RANBP2: variants seen among roughly 807,000 people sequenced by gnomAD.
The protein encoded by RANBP2 is RAN binding protein 2, also known as E3 SUMO-protein ligase RanBP2.
RANBP2 carries 57 observed loss-of-function variants against 303.6 expected under a neutral mutation model. That is an observed-to-expected ratio of 0.19 (90% CI 0.15 to 0.23). The LOEUF (loss-of-function observed/expected upper bound fraction) is 0.23, where lower values mean the gene tolerates loss of function less well. RANBP2 is among the 10% of genes least tolerant of loss of function. The probability of loss-of-function intolerance (pLI) is 1.00; values close to 1 mark genes in which losing one functional copy is unlikely to be tolerated. For missense variants in RANBP2, 3,138 were observed against 3,780.8 expected, an observed-to-expected ratio of 0.83 and a Z score of 4.46; for synonymous variants, 1,167 against 1,301.5, an observed-to-expected ratio of 0.90 and a Z score of 2.23.
chr2:109,277,136 G>C, the RANBP2 span, among the ~76,000 whole-genome samples: 1 of 152,158 alleles, frequency 6.6e-6, no homozygotes, highest in Non-Finnish European at 1.5e-5. Flanking sequence ...AGGGGGCATG[G>C]GGTGGCAGGT....
Position 108,753,133 on chromosome 2 carries a change from A to C in RANBP2, c.1891A>C (p.Lys631Gln). Residue 631 changes from lysine to glutamine, a missense_variant, in exon 13 of 29, where the codon AAA (lysine) becomes CAA (glutamine). This residue lies in a region of RANBP2 where 162 missense variants were observed against 286.9 expected (regional missense o/e 0.56). Coordinates refer to ENST00000283195, the MANE Select transcript of RANBP2 (RefSeq NM_006267.5). Reference sequence around the variant, plus strand: ...TCCTGAACCTATTGATCCTCTGTTTAAACATTTTCATAGTGTAGACATTCA... The same window carrying C: ...TCCTGAACCTATTGATCCTCTGTTTCAACATTTTCATAGTGTAGACATTCA... ...SIPEPIDPLFKHFHSVDIQAS... is the reference protein window; with the variant it reads ...SIPEPIDPLFQHFHSVDIQAS... 1 of 1,608,956 alleles carries C rather than the reference A, an allele frequency of 6.2e-7. No individual in the cohort carries two copies. The highest frequency in any genetic ancestry group is 8.5e-7 in the Non-Finnish European group (1 of 1,179,086).
the RANBP2 span, among the ~76,000 whole-genome samples, chr2:108,827,642 C>A: frequency 6.6e-6 from 1 of 151,882 alleles, no homozygotes; most frequent in Non-Finnish European, 1.5e-5. Flanking sequence ...CAGTGAAACC[C>A]CGTCTCTACT....
At chr2:109,700,605 C>T in the RANBP2 span, among the ~76,000 whole-genome samples, 2 of 151,934 alleles carry the variant, frequency 1.3e-5, no homozygotes, top group South Asian at 2.1e-4. Flanking sequence ...TTGAATAGAA[C>T]GGGAGGCAGG....
chr2:109,212,670 TA>T, the RANBP2 span, among the ~76,000 whole-genome samples: 1 of 152,216 alleles, frequency 6.6e-6, no homozygotes, highest in East Asian at 1.9e-4. Context: ...TTTCTTGTGT[TA>T]AATGGACTCA....
chr2:108,791,885 C>G, the RANBP2 span: 1 of 1,337,212 alleles, frequency 7.5e-7, no homozygotes. Flanking sequence ...AGTAATAACA[C>G]TGGCCCCCAA....
At chr2:109,042,766 C>A in the RANBP2 span, among the ~76,000 whole-genome samples, 2 of 152,158 alleles carry the variant, frequency 1.3e-5, no homozygotes, top group African/African-American at 4.8e-5. Flanking sequence ...AAATGGAAAT[C>A]CTAATAACCA....
the RANBP2 span, among the ~76,000 whole-genome samples, chr2:108,953,070 C>T: frequency 1.0e-3 from 158 of 152,312 alleles, 1 homozygote; most frequent in African/African-American, 3.7e-3. Flanking sequence ...GCATGCAATG[C>T]GTAATAACCA....
Position 108,763,722 on chromosome 2 carries a change from T to A in RANBP2, c.3183T>A (p.Ser1061Arg). 1 of 1,614,028 alleles carries A rather than the reference T, an allele frequency of 6.2e-7. No homozygotes were observed. The highest frequency in any genetic ancestry group is 8.5e-7 in the Non-Finnish European group (1 of 1,179,966). ...CACAGCCCCCTCCTGCAGCTTACAG[T>A]AACAGTGAAAGCCTTTTAGGTCTCC... ...VVTQPPPAAY[S>R]NSESLLGLLT... Residue 1061 changes from serine (S) to arginine (R), a missense_variant, in exon 20 of 29, where the codon AGT (serine) becomes AGA (arginine). By Grantham distance (110) the Ser-to-Arg change is moderately radical. Around this residue, in one of 20 missense-constraint regions of RANBP2, gnomAD observed 403 missense variants for 376.7 expected, o/e 1.07. Coordinates refer to ENST00000283195, the MANE Select transcript of RANBP2 (RefSeq NM_006267.5).
chr2:108,764,682 C>A lies in RANBP2; in HGVS notation c.4143C>A (p.Ser1381Arg). 1 of 1,613,970 alleles carries A rather than the reference C, an allele frequency of 6.2e-7. No individual in the cohort carries two copies. The stretch of plus-strand genomic sequence containing the variant: ...TATCATGCCAAAATCTAAACCCAAG[C>A]AATAAAGAGCTCGTTGGCCCACCAT... ...KCVSCQNLNP[S>R]NKELVGPPLA... Residue 1381 changes from serine (S) to arginine (R), a missense_variant, in exon 20 of 29, where the codon AGC becomes AGA. Physicochemically the swap from Ser to Arg is moderately radical, Grantham distance 110. Around this residue, in one of 20 missense-constraint regions of RANBP2, gnomAD observed 388 missense variants for 328.5 expected, o/e 1.18. Transcript: ENST00000283195.
At chr2:109,210,401 C>A in the RANBP2 span, among the ~76,000 whole-genome samples, 1 of 152,218 alleles carries the variant, frequency 6.6e-6, no homozygotes, top group African/African-American at 2.4e-5. Flanking sequence ...CGTGCTCCCT[C>A]GTTTTGTCTG....
chr2:108,853,878 AATATATTATATAGTATATATATT>A, the RANBP2 span, among the ~76,000 whole-genome samples: 45 of 124,846 alleles, frequency 3.6e-4, no homozygotes, highest in African/African-American at 9.3e-4. Flanking sequence ...TATACTATAT[AATATATTATATAGTATATATATT>A]ATATATTATA....
At chr2:108,906,004 C>CT in the RANBP2 span, among the ~76,000 whole-genome samples, 1 of 152,180 alleles carries the variant, frequency 6.6e-6, no homozygotes, top group African/African-American at 2.4e-5. Context: ...CACGGGAGGT[C>CT]TGAGGCTCCG....
chr2:109,679,543 C>T, the RANBP2 span, among the ~76,000 whole-genome samples: 3 of 152,212 alleles, frequency 2.0e-5, no homozygotes. Flanking sequence ...CACCCACCGG[C>T]TCCAGGATAG....
the RANBP2 span, among the ~76,000 whole-genome samples, chr2:109,260,765 TTC>T: frequency 5.9e-5 from 9 of 152,120 alleles, no homozygotes; most frequent in Non-Finnish European, 1.0e-4. Flanking sequence ...GCACGGAAAC[TTC>T]AGGTGACCCT....
At chr2:108,929,717 G>A in the RANBP2 span, among the ~76,000 whole-genome samples, 11 of 152,284 alleles carry the variant, frequency 7.2e-5, no homozygotes, top group Admixed American at 1.3e-4. Context: ...CTGAAACCCC[G>A]GAGGTTTCCC....
the RANBP2 span, among the ~76,000 whole-genome samples, chr2:109,071,107 T>G: frequency 1.0e-3 from 154 of 152,286 alleles, no homozygotes; most frequent in Admixed American, 2.7e-3. Context: ...TTCACACTAG[T>G]ACAGCAATAG....
At position 108,783,935 on chromosome 2, in the gene RANBP2, T is replaced by C; in HGVS notation, c.*34T>C. On this transcript the variant is annotated 3_prime_UTR_variant, in exon 29 of 29. Transcript: ENST00000283195. ...TTGTTCATAGAAAATTTCATCTGTA[T>C]AAGCAGTTGGATTGAAGCTTAGCTA... 1 of 1,560,920 alleles carries C rather than the reference T, an allele frequency of 6.4e-7. No individual in the cohort carries two copies. The highest frequency in any genetic ancestry group is 8.8e-7 in the Non-Finnish European group (1 of 1,133,618).
At chr2:109,714,254 TTGTGTGTGTGTG>T in the RANBP2 span, among the ~76,000 whole-genome samples, 1 of 149,438 alleles carries the variant, frequency 6.7e-6, no homozygotes, top group East Asian at 2.0e-4. Context: ...CCTGGCTAAT[TTGTGTGTGTGTG>T]TGTGTGTGTG....
the RANBP2 span, among the ~76,000 whole-genome samples, chr2:108,918,355 T>C: frequency 6.6e-6 from 1 of 152,218 alleles, no homozygotes; most frequent in African/African-American, 2.4e-5. Context: ...CCCGGTCCAC[T>C]GTGTGCTGTG....
Sources: allele counts gnomAD v4.1 joint callset (sites outside exome capture counted in the v4.1 genomes callset), GRCh38; gene constraint gnomAD v4.1.1; regional missense constraint gnomAD v4.1.1; transcripts MANE v1.5; gene names NCBI Gene and HGNC (gene_info 2026-07-23, HGNC 2026-07-21).